Variants in PDE1C observed in about 807,000 individuals in gnomAD.
PDE1C encodes the protein phosphodiesterase 1C.
A neutral mutation model predicts 93.1 loss-of-function variants in PDE1C; 62 were observed. That is an observed-to-expected ratio of 0.67 (90% CI 0.54 to 0.82). The LOEUF is 0.82. PDE1C is among the 40% of genes least tolerant of loss of function. The pLI is 0.00. For synonymous variants in PDE1C, 325 were observed against 310.1 expected, an observed-to-expected ratio of 1.05 and a Z score of -0.50; for missense variants, 742 against 884.6, an observed-to-expected ratio of 0.84 and a Z score of 2.04.
chr7:32,014,942 A>G (rs1473986763), intron 2 of PDE1C, among the ~76,000 whole-genome samples: 1 of 152,094 alleles, frequency 6.6e-6, no homozygotes, highest in Non-Finnish European at 1.5e-5. Flanking sequence ...TTCACGTGTC[A>G]AGGGAGAGAC....
chr7:32,417,168 T>C (rs112741933), intron 1 of PDE1C, among the ~76,000 whole-genome samples: 6,882 of 151,960 alleles, frequency 0.045, 558 homozygotes, highest in African/African-American at 0.16. Context: ...GTCAGTTCTG[T>C]GGCACAGGCC....
At chr7:31,821,128 C>T (rs1341378030) in intron 14 of PDE1C, among the ~76,000 whole-genome samples, 3 of 152,048 alleles carry the variant, frequency 2.0e-5, no homozygotes, top group African/African-American at 7.2e-5. Context: ...CAACCCCTTT[C>T]TTCTTGTTCC....
chr7:31,730,347 T>G, the PDE1C span, among the ~76,000 whole-genome samples: 1 of 152,142 alleles, frequency 6.6e-6, no homozygotes, highest in African/African-American at 2.4e-5. Flanking sequence ...TCTGCTCTCT[T>G]CCCTCTGCCG....
intron 2 of PDE1C, among the ~76,000 whole-genome samples, chr7:32,048,425 T>C (rs1007853031): frequency 6.6e-6 from 1 of 151,770 alleles, no homozygotes; most frequent in Non-Finnish European, 1.5e-5. Flanking sequence ...ACAAGTGCAA[T>C]TGCCCTGAGC....
At chr7:32,313,736 C>T (rs898283550) in intron 1 of PDE1C, among the ~76,000 whole-genome samples, 2 of 130,768 alleles carry the variant, frequency 1.5e-5, no homozygotes, top group Non-Finnish European at 3.1e-5. Flanking sequence ...GGGAACATCA[C>T]ACTCTGGGGA....
chr7:32,395,671 G>C (rs766828265), intron 1 of PDE1C, among the ~76,000 whole-genome samples: 38 of 152,146 alleles, frequency 2.5e-4, no homozygotes, highest in Non-Finnish European at 3.1e-4. Flanking sequence ...AAACTACTGG[G>C]TCAGTACAAG....
chr7:32,262,415 G>A (rs1810277752), intron 1 of PDE1C, among the ~76,000 whole-genome samples: 1 of 152,170 alleles, frequency 6.6e-6, no homozygotes, highest in African/African-American at 2.4e-5. Flanking sequence ...CCCCCAGAGA[G>A]CAAGAACTCC....
chr7:32,284,644 G>T (rs1215770532), intron 1 of PDE1C, among the ~76,000 whole-genome samples: 1 of 152,090 alleles, frequency 6.6e-6, no homozygotes, highest in African/African-American at 2.4e-5. Flanking sequence ...AATGTTCCCA[G>T]AATTTCTCCC....
At chr7:32,357,595 C>T (rs548773227) in intron 1 of PDE1C, among the ~76,000 whole-genome samples, 17 of 152,298 alleles carry the variant, frequency 1.1e-4, no homozygotes, top group South Asian at 8.3e-4. Flanking sequence ...GCGGGCTAAA[C>T]CGGGTGCCCA....
At chr7:32,287,113 A>G (rs532909457) in intron 1 of PDE1C, among the ~76,000 whole-genome samples, 2 of 152,304 alleles carry the variant, frequency 1.3e-5, no homozygotes, top group South Asian at 4.1e-4. Flanking sequence ...CATTCAGCAA[A>G]TACTCAACAA....
At chr7:31,716,247 C>A in the PDE1C span, among the ~76,000 whole-genome samples, 1 of 152,158 alleles carries the variant, frequency 6.6e-6, no homozygotes, top group Non-Finnish European at 1.5e-5. Flanking sequence ...TCCTACCCAT[C>A]ACCTTCCACA....
At chr7:31,897,072 C>T (rs141552886) in intron 2 of PDE1C, among the ~76,000 whole-genome samples, 5 of 152,306 alleles carry the variant, frequency 3.3e-5, no homozygotes, top group East Asian at 3.9e-4. Context: ...AGACTCTCCA[C>T]GATGAAGCAA....
chr7:32,012,337 T>G (rs1787252048), intron 2 of PDE1C, among the ~76,000 whole-genome samples: 1 of 152,012 alleles, frequency 6.6e-6, no homozygotes, highest in Admixed American at 6.6e-5. Flanking sequence ...ACCAGACTGT[T>G]TTAAACAACC....
intron 1 of PDE1C, among the ~76,000 whole-genome samples, chr7:32,056,320 T>TTATC (rs1554488810): frequency 9.0e-6 from 1 of 111,030 alleles, no homozygotes; most frequent in Non-Finnish European, 1.8e-5. Flanking sequence ...GGGTCCACCG[T>TTATC]TCTCTCTCTC....
chr7:31,687,911 A>C, the PDE1C span, among the ~76,000 whole-genome samples: 1 of 152,208 alleles, frequency 6.6e-6, no homozygotes, highest in Admixed American at 6.5e-5. Flanking sequence ...AGAATACCGT[A>C]TGGTAAGCTA....
rs146810470 is a variant in PDE1C, at chr7:32,096,735, C to T, written c.308+73050G>A. 8.0e-3 allele frequency among the ~76,000 whole-genome samples: 1,224 copies of T among 152,182 alleles called. 14 individuals are homozygous for T. The highest frequency in any genetic ancestry group is 0.028 in the African/African-American group (1,155 of 41,480). ...TATTTATATAGAAGCAATTGTTCTA[C>T]TGCAAGCTCTGGGGTATGTCCTGGT... On this transcript the variant is annotated intron_variant, in intron 3 of 18. Coordinates refer to the PDE1C transcript ENST00000396193.
rs923269176 is a variant in PDE1C, at chr7:31,775,750, A to G, written c.1892-18T>C. On this transcript the variant is annotated intron_variant, in intron 16 of 17. Coordinates refer to ENST00000396191, the MANE Select transcript of PDE1C (RefSeq NM_001191057.4). ...TTTTGTGCCTGTGAAGAGGAAAAAGAGGATAAGGAAAAGTAGGATTGTGGA... is the reference window on the plus strand; with the variant it reads ...TTTTGTGCCTGTGAAGAGGAAAAAGGGGATAAGGAAAAGTAGGATTGTGGA... 2 of 1,608,276 alleles carry G rather than the reference A, an allele frequency of 1.2e-6. No homozygotes were observed. The highest frequency in any genetic ancestry group is 1.7e-6 in the Non-Finnish European group (2 of 1,175,842).
At chr7:32,113,082 C>T (rs1243977632) in intron 3 of PDE1C, among the ~76,000 whole-genome samples, 1 of 149,402 alleles carries the variant, frequency 6.7e-6, no homozygotes, top group Non-Finnish European at 1.5e-5. Flanking sequence ...AATTGAATAG[C>T]ATATGAGCAC....
chr7:32,392,359 AT>A (rs1784765892), intron 1 of PDE1C, among the ~76,000 whole-genome samples: 1 of 152,206 alleles, frequency 6.6e-6, no homozygotes, highest in African/African-American at 2.4e-5. Flanking sequence ...TTTACGTAAC[AT>A]TTATAGGAAA....
Sources: allele counts gnomAD v4.1 joint callset (sites outside exome capture counted in the v4.1 genomes callset), GRCh38; gene constraint gnomAD v4.1.1; transcripts MANE v1.5; gene names NCBI Gene and HGNC (gene_info 2026-07-23, HGNC 2026-07-21).